PRKCH: variants seen among roughly 807,000 people sequenced by gnomAD.
The protein encoded by PRKCH is protein kinase C eta, also known as protein kinase C eta type.
Under a neutral mutation model 82.5 loss-of-function variants are expected in PRKCH, and 28 were observed. That is an observed-to-expected ratio of 0.34 (90% CI 0.25 to 0.47). The LOEUF is 0.47. PRKCH is among the 20% of genes least tolerant of loss of function. The probability of loss-of-function intolerance (pLI) is 1.00; values close to 1 mark genes in which losing one functional copy is unlikely to be tolerated. For missense variants in PRKCH, 705 were observed against 881.8 expected, an observed-to-expected ratio of 0.80 and a Z score of 2.54; for synonymous variants, 322 against 327.4, an observed-to-expected ratio of 0.98 and a Z score of 0.18.
chr14:61,324,458 G>T (rs1031645347), intron 1 of PRKCH, among the ~76,000 whole-genome samples: 6 of 151,774 alleles, frequency 4.0e-5, no homozygotes, highest in African/African-American at 1.5e-4. Flanking sequence ...TTTTTTTTTT[G>T]TTGTTTTTTT....
At chr14:61,394,784 A>G (rs369349365) in intron 2 of PRKCH, among the ~76,000 whole-genome samples, 58 of 152,308 alleles carry the variant, frequency 3.8e-4, no homozygotes, top group African/African-American at 1.3e-3. Context: ...TGTCTTTCAG[A>G]GCTGACCCTG....
At chr14:61,285,033 T>C (rs139516575) in intron 1 of PRKCH, among the ~76,000 whole-genome samples, 1,582 of 152,296 alleles carry the variant, frequency 0.01, 12 homozygotes, top group African/African-American at 0.025. Flanking sequence ...TTATATCCAG[T>C]TTTTCAGTAT....
chr14:61,532,633 A>G (rs979445172), intron 12 of PRKCH, among the ~76,000 whole-genome samples: 11 of 122,128 alleles, frequency 9.0e-5, no homozygotes, highest in Middle Eastern at 3.9e-3. Flanking sequence ...TAAGATTCCT[A>G]TGGAATTTTT....
intron 1 of PRKCH, among the ~76,000 whole-genome samples, chr14:61,276,548 G>A (rs2045204127): frequency 6.6e-6 from 1 of 151,784 alleles, no homozygotes; most frequent in Admixed American, 6.6e-5. Context: ...TAGAGGCGGG[G>A]TTTCACCATG....
chr14:61,261,055 T>A (rs1227888338), intron 1 of PRKCH, among the ~76,000 whole-genome samples: 1 of 152,008 alleles, frequency 6.6e-6, no homozygotes, highest in African/African-American at 2.4e-5. Flanking sequence ...CCACTGGGGG[T>A]GCACAATCCT....
At chr14:61,337,988 C>A (rs1244753415) in intron 1 of PRKCH, among the ~76,000 whole-genome samples, 1 of 152,174 alleles carries the variant, frequency 6.6e-6, no homozygotes, top group East Asian at 1.9e-4. Context: ...TTTTGAGTCT[C>A]CTTGCCGGGC....
chr14:61,316,761 T>A (rs2045564711), upstream of PRKCH, among the ~76,000 whole-genome samples: 1 of 152,224 alleles, frequency 6.6e-6, no homozygotes, highest in Non-Finnish European at 1.5e-5. Context: ...ATTAGAGTTT[T>A]CCTGGAGATT....
intron 1 of PRKCH, chr14:61,279,935 A>T (rs955583431): frequency 1.0e-4 from 68 of 663,952 alleles, no homozygotes; most frequent in Non-Finnish European, 1.5e-5. Flanking sequence ...GCAGCCCCCC[A>T]AGAGCAAGGG....
intron 10 of PRKCH, among the ~76,000 whole-genome samples, chr14:61,510,115 G>A (rs1210666855): frequency 5.9e-5 from 9 of 152,214 alleles, no homozygotes; most frequent in East Asian, 1.9e-4. Context: ...ATGAGGACTC[G>A]GTATGATCAG....
intron 1 of PRKCH, among the ~76,000 whole-genome samples, chr14:61,385,851 G>A (rs774879575): frequency 2.1e-4 from 32 of 152,194 alleles, no homozygotes; most frequent in Non-Finnish European, 4.4e-4. Flanking sequence ...ACAACATGAT[G>A]TGGGTTCCAG....
At chr14:61,542,620 T>C (rs1334053369) in intron 12 of PRKCH, among the ~76,000 whole-genome samples, 1 of 152,194 alleles carries the variant, frequency 6.6e-6, no homozygotes, top group Non-Finnish European at 1.5e-5. Flanking sequence ...TGTTCTCTCT[T>C]ACCTGGCTGT....
chr14:61,356,399 C>T (rs1392310134), intron 1 of PRKCH, among the ~76,000 whole-genome samples: 5 of 152,144 alleles, frequency 3.3e-5, no homozygotes, highest in South Asian at 2.1e-4. Context: ...TGGACTCTAT[C>T]GGTTAGAATC....
intron 10 of PRKCH, among the ~76,000 whole-genome samples, chr14:61,503,942 T>C (rs1394590148): frequency 2.0e-5 from 3 of 152,168 alleles, no homozygotes; most frequent in Non-Finnish European, 4.4e-5. Flanking sequence ...CTCAAGATAC[T>C]TTACTTTGCA....
intron 12 of PRKCH, among the ~76,000 whole-genome samples, chr14:61,535,538 C>T (rs946944756): frequency 1.4e-4 from 22 of 151,960 alleles, no homozygotes; most frequent in Admixed American, 8.5e-4. Flanking sequence ...CAATGGCAGG[C>T]GGGTTGGAGT....
At chr14:61,445,838 G>A in intron 4 of PRKCH, 112 bp downstream of exon 4, 1 of 1,141,398 alleles carries the variant, frequency 8.8e-7, no homozygotes, top group Non-Finnish European at 1.3e-6. Flanking sequence ...ATAACTCTCT[G>A]TAGGTCAAAG....
At chr14:61,188,356 C>T (rs544765708) in intron 1 of PRKCH, among the ~76,000 whole-genome samples, 2 of 152,296 alleles carry the variant, frequency 1.3e-5, no homozygotes, top group South Asian at 2.1e-4. Context: ...CAGCTTCTGC[C>T]CCCGCCCACA....
intron 1 of PRKCH, among the ~76,000 whole-genome samples, chr14:61,286,279 A>T (rs555351112): frequency 6.6e-6 from 1 of 152,336 alleles, no homozygotes; most frequent in Admixed American, 6.5e-5. Context: ...TTTTAAAAAA[A>T]TTCTTTGTGC....
At chr14:61,453,375 A>T (rs959701641) in intron 7 of PRKCH, 22 bp downstream of exon 7, 5 of 1,607,296 alleles carry the variant, frequency 3.1e-6, no homozygotes, top group Non-Finnish European at 4.3e-6. Context: ...CTTTTTTTCC[A>T]TGTCTCGTAA....
At chr14:61,473,243 G>A (rs962376268) in intron 9 of PRKCH, among the ~76,000 whole-genome samples, 3 of 152,186 alleles carry the variant, frequency 2.0e-5, no homozygotes, top group South Asian at 4.1e-4. Context: ...GGGTAGGGGG[G>A]TGGTGATGAA....
Sources: allele counts gnomAD v4.1 joint callset (sites outside exome capture counted in the v4.1 genomes callset), GRCh38; gene constraint gnomAD v4.1.1; transcripts MANE v1.5; gene names NCBI Gene and HGNC (gene_info 2026-07-23, HGNC 2026-07-21).